PHACTR3: variants seen among roughly 807,000 people sequenced by gnomAD.
The protein encoded by PHACTR3 is phosphatase and actin regulator 3.
In PHACTR3, 16 loss-of-function variants were observed where a neutral mutation model predicts 66.8. The observed-to-expected ratio is 0.24, with a 90% CI of 0.16 to 0.36. The LOEUF is 0.36. Among genes scored for constraint, PHACTR3 ranks in the 10% least tolerant of loss-of-function variants. The pLI is 1.00. For missense variants in PHACTR3, 647 were observed against 719.9 expected (o/e 0.90, Z 1.16); for synonymous variants, 323 against 292.1 (o/e 1.11, Z -1.08).
chr20:59,588,865 C>T (rs2033112754), intron 1 of PHACTR3, among the ~76,000 whole-genome samples: 1 of 152,228 alleles, frequency 6.6e-6, no homozygotes, highest in African/African-American at 2.4e-5. Context: ...TCCAGCCTGG[C>T]AAGTCTGTGG....
intron 1 of PHACTR3, among the ~76,000 whole-genome samples, chr20:59,617,664 G>C (rs760917768): frequency 2.6e-5 from 4 of 152,148 alleles, no homozygotes; most frequent in Non-Finnish European, 5.9e-5. Context: ...ATTTCGTGGG[G>C]CTGACATTCT....
At chr20:59,840,568 A>T (rs532445759) in intron 10 of PHACTR3, 138 bp downstream of exon 10, 2 of 1,334,620 alleles carry the variant, frequency 1.5e-6, no homozygotes, top group Non-Finnish European at 2.0e-6. Flanking sequence ...GGCATCAGTT[A>T]AATCAGGATA....
intron 1 of PHACTR3, among the ~76,000 whole-genome samples, chr20:59,617,134 T>A (rs2034054805): frequency 6.6e-6 from 1 of 152,218 alleles, no homozygotes; most frequent in Non-Finnish European, 1.5e-5. Flanking sequence ...AGCTCCATCC[T>A]GGTCTGTAGA....
At chr20:59,822,984 G>A (rs2042093155) in intron 8 of PHACTR3, among the ~76,000 whole-genome samples, 1 of 152,186 alleles carries the variant, frequency 6.6e-6, no homozygotes, top group Non-Finnish European at 1.5e-5. Context: ...AAAGATCAGA[G>A]GCAGACAATG....
chr20:59,662,243 T>C lies in PHACTR3; in HGVS notation c.118+57111T>C, dbSNP rs914318040. The stretch of plus-strand genomic sequence containing the variant: ...CAGACACTAGACAAGGAATGACACA[T>C]GGGTGTATGTGAAGATGCTTAGGAT... On this transcript the variant is annotated intron_variant, in intron 1 of 12. Transcript: ENST00000371015. 2.9e-4 allele frequency among the ~76,000 whole-genome samples: 44 copies of C among 151,924 alleles called. 1 individual carries two copies. Among genetic ancestry groups the C allele is most frequent in the Non-Finnish European group, 8.8e-5 (6 of 68,004 alleles).
intron 1 of PHACTR3, among the ~76,000 whole-genome samples, chr20:59,672,332 C>T (rs1346098792): frequency 2.6e-5 from 4 of 152,242 alleles, no homozygotes; most frequent in East Asian, 1.9e-4. Context: ...CCTGCCTCCT[C>T]GAACCTCAGT....
intron 9 of PHACTR3, among the ~76,000 whole-genome samples, chr20:59,837,490 A>G (rs1274955524): frequency 6.6e-6 from 1 of 152,174 alleles, no homozygotes; most frequent in East Asian, 1.9e-4. Flanking sequence ...TTAACTGCCT[A>G]AAACAATCCC....
chr20:59,783,432 G>GCCCCA (rs1361072822), intron 7 of PHACTR3, among the ~76,000 whole-genome samples: 8 of 91,470 alleles, frequency 8.7e-5, no homozygotes, highest in African/African-American at 2.3e-4. Context: ...CCCCCGCCCC[G>GCCCCA]CCCCACCCCG....
At chr20:59,706,314 C>A (rs2037699639) in intron 1 of PHACTR3, among the ~76,000 whole-genome samples, 1 of 152,166 alleles carries the variant, frequency 6.6e-6, no homozygotes, top group Non-Finnish European at 1.5e-5. Context: ...CAAGTGAGGT[C>A]TAGGACGCTG....
intron 7 of PHACTR3, among the ~76,000 whole-genome samples, chr20:59,780,169 G>C (rs2040675091): frequency 6.6e-6 from 1 of 152,116 alleles, no homozygotes; most frequent in Non-Finnish European, 1.5e-5. Flanking sequence ...CCCCCCAGCT[G>C]CCTGTGCTGC....
chr20:59,743,828 A>C (rs2039266917), intron 2 of PHACTR3, among the ~76,000 whole-genome samples: 2 of 152,070 alleles, frequency 1.3e-5, no homozygotes, highest in African/African-American at 4.8e-5. Flanking sequence ...TTCCTGAAAG[A>C]CAGAGGCTGC....
intron 1 of PHACTR3, among the ~76,000 whole-genome samples, chr20:59,668,254 C>T (rs919171646): frequency 1.3e-5 from 2 of 152,012 alleles, no homozygotes; most frequent in African/African-American, 4.8e-5. Context: ...GCACATACTC[C>T]TGTATGGGGT....
intron 4 of PHACTR3, among the ~76,000 whole-genome samples, chr20:59,761,665 A>G (rs887337393): frequency 3.3e-5 from 5 of 152,354 alleles, no homozygotes; most frequent in African/African-American, 1.2e-4. Flanking sequence ...GCATCTGAAC[A>G]GAAAAGGTTT....
intron 8 of PHACTR3, among the ~76,000 whole-genome samples, chr20:59,834,506 C>G (rs1462711923): frequency 6.6e-6 from 1 of 152,250 alleles, no homozygotes; most frequent in Non-Finnish European, 1.5e-5. Context: ...AATTCCTTCT[C>G]CAAGACCCTT....
At chr20:59,788,679 C>A (rs1312689652) in intron 7 of PHACTR3, among the ~76,000 whole-genome samples, 2 of 152,170 alleles carry the variant, frequency 1.3e-5, no homozygotes, top group Non-Finnish European at 2.9e-5. Context: ...GCTAAAACCT[C>A]ACATGTCCAT....
intron 1 of PHACTR3, among the ~76,000 whole-genome samples, chr20:59,632,346 C>G (rs1327217935): frequency 2.0e-5 from 3 of 152,156 alleles, no homozygotes; most frequent in African/African-American, 7.2e-5. Context: ...AGTCTCTGCC[C>G]CTGGTAATTG....
intron 1 of PHACTR3, among the ~76,000 whole-genome samples, chr20:59,683,192 G>A (rs1037243630): frequency 5.3e-5 from 8 of 152,202 alleles, no homozygotes; most frequent in East Asian, 3.8e-4. Flanking sequence ...AGGATAGAGC[G>A]TTGGTCCTGG....
intron 3 of PHACTR3, among the ~76,000 whole-genome samples, chr20:59,753,757 C>A (rs1025545429): frequency 6.6e-6 from 1 of 152,188 alleles, no homozygotes; most frequent in Non-Finnish European, 1.5e-5. Context: ...CACAAAACAC[C>A]GTTTGCAGGT....
At chr20:59,794,526 G>A (rs773665890) in intron 7 of PHACTR3, among the ~76,000 whole-genome samples, 5 of 151,972 alleles carry the variant, frequency 3.3e-5, no homozygotes, top group Non-Finnish European at 7.4e-5. Flanking sequence ...GTCCTTATCT[G>A]GTCTTAGTAA....
Sources: gnomAD v4.1 joint callset for allele counts (sites outside exome capture counted in the v4.1 genomes callset) on GRCh38, gnomAD v4.1.1 for gene constraint, MANE v1.5 for transcripts, NCBI Gene and HGNC (gene_info 2026-07-23, HGNC 2026-07-21) for gene names.